Variants in AP2A1 observed in about 807,000 individuals in gnomAD.
AP2A1 encodes AP-2 complex subunit alpha-1.
In AP2A1, 21 loss-of-function variants were observed where a neutral mutation model predicts 107.3. That is an observed-to-expected ratio of 0.20 (90% CI 0.14 to 0.28). The LOEUF (loss-of-function observed/expected upper bound fraction) is 0.28, where lower values mean the gene tolerates loss of function less well. AP2A1 is among the 10% of genes least tolerant of loss of function. The pLI is 1.00. For synonymous variants in AP2A1, 602 were observed against 564.8 expected (o/e 1.07, Z -0.93); for missense variants, 873 against 1,307.7 (o/e 0.67, Z 5.13).
chr19:49,788,565 T>C lies in AP2A1; in HGVS notation c.474-3370T>C, dbSNP rs1161482282. On this transcript the variant is annotated intron_variant, in intron 4 of 22. Coordinates refer to ENST00000354293, the MANE Select transcript of AP2A1 (RefSeq NM_130787.3). This position sits in a 1 kb window ranked among gnomAD's most constrained non-coding sequence, Gnocchi z 4.5. ...TGGCCCAGAGTCAGGGCTCGGGAGA[T>C]GCGCTGTGGCTCAGGAGATGTGCGC... Among the ~76,000 whole-genome samples, 1 of 151,538 alleles carries C rather than the reference T, an allele frequency of 6.6e-6. No homozygotes were observed. The highest frequency in any genetic ancestry group is 1.5e-5 in the Non-Finnish European group (1 of 67,920).
At chr19:49,789,763 G>A (rs981523731) in intron 4 of AP2A1, among the ~76,000 whole-genome samples, 4 of 152,070 alleles carry the variant, frequency 2.6e-5, no homozygotes, top group Admixed American at 2.6e-4. Context: ...CCCCAAAGCC[G>A]ACAAGGCTCC....
At chr19:49,783,514 A>G (rs553495330) in intron 4 of AP2A1, among the ~76,000 whole-genome samples, 1 of 152,278 alleles carries the variant, frequency 6.6e-6, no homozygotes, top group East Asian at 1.9e-4. Context: ...GGTCAGCTAG[A>G]TACCCGACTC....
chr19:49,777,634 C>CAAAA (rs750227185), intron 1 of AP2A1, among the ~76,000 whole-genome samples: 1 of 95,834 alleles, frequency 1.0e-5, no homozygotes, highest in African/African-American at 4.1e-5. Flanking sequence ...GACTCCATCA[C>CAAAA]AAAAAAAAAA....
chr19:49,803,275 C>T lies in AP2A1; in HGVS notation c.2255-12C>T. 7 of 1,613,796 alleles carry T rather than the reference C, an allele frequency of 4.3e-6. No individual in the cohort carries two copies. The highest frequency in any genetic ancestry group is 5.9e-6 in the Non-Finnish European group (7 of 1,179,792). On this transcript the variant is annotated splice_polypyrimidine_tract_variant and intron_variant, in intron 17 of 22. Coordinates refer to ENST00000354293, the MANE Select transcript of AP2A1 (RefSeq NM_130787.3). ...GACTCAGATGGAGCTCTGCCTCCCC[C>T]ACCTACTGCAGGCCGCATGTATCTC...
In AP2A1 at chr19:49,803,357, C is replaced by T; in HGVS notation, c.2325C>T (p.His775=). The T allele has an allele frequency of 6.2e-7, 1 of 1,613,886 alleles. No homozygotes were observed. The highest frequency in any genetic ancestry group is 8.5e-7 in the Non-Finnish European group (1 of 1,179,834). The part of the protein sequence containing the change: ...QFQNFSPTVV[H]PGDLQTQLAV... ...AGAATTTCTCACCCACTGTGGTTCA[C>T]CCGGGAGACCTCCAGACTCATATCC... Residue 775 remains histidine (H), a synonymous_variant, in exon 18 of 23, where the codon CAC becomes CAT. Transcript: ENST00000354293.
At chr19:49,794,408 C>G (rs1441876944) in intron 6 of AP2A1, among the ~76,000 whole-genome samples, 1 of 151,304 alleles carries the variant, frequency 6.6e-6, no homozygotes, top group African/African-American at 2.4e-5. Context: ...TGCTTTGTCG[C>G]CCACACTGGT....
chr19:49,799,858 G>A (rs1017229429), intron 10 of AP2A1, 92 bp downstream of exon 10: 8 of 1,559,246 alleles, frequency 5.1e-6, no homozygotes, highest in Admixed American at 3.8e-5. Context: ...GGAGGGGCTG[G>A]GGCCTGGACT....
At chr19:49,781,229 C>T (rs1055906651) in intron 1 of AP2A1, among the ~76,000 whole-genome samples, 15 of 151,716 alleles carry the variant, frequency 9.9e-5, no homozygotes, top group African/African-American at 2.4e-4. Context: ...ACAGGCCACG[C>T]GGGAGAGGAC....
At chr19:49,786,819 C>T (rs1160687362) in intron 4 of AP2A1, among the ~76,000 whole-genome samples, 1 of 152,120 alleles carries the variant, frequency 6.6e-6, no homozygotes, top group African/African-American at 2.4e-5. Context: ...AGAGGGAGGC[C>T]ACCGTGGCCA....
At chr19:49,770,166 G>T (rs561793796) in intron 1 of AP2A1, among the ~76,000 whole-genome samples, 1 of 152,276 alleles carries the variant, frequency 6.6e-6, no homozygotes, top group Non-Finnish European at 1.5e-5. Flanking sequence ...ACTGCACCCA[G>T]CCTGGGATAC....
At chr19:49,779,487 C>CAAAAA (rs370114853) in intron 1 of AP2A1, among the ~76,000 whole-genome samples, 1,109 of 80,662 alleles carry the variant, frequency 0.014, 8 homozygotes, top group East Asian at 0.019. Context: ...GCCTGGGCTA[C>CAAAAA]AAAAAAAAAA....
At chr19:49,789,071 G>A (rs1030551980) in intron 4 of AP2A1, among the ~76,000 whole-genome samples, 4 of 152,178 alleles carry the variant, frequency 2.6e-5, no homozygotes, top group African/African-American at 7.2e-5. Flanking sequence ...CCTGGATGAC[G>A]GCAGGAGCCA....
intron 1 of AP2A1, among the ~76,000 whole-genome samples, chr19:49,772,431 G>A (rs1043992532): frequency 6.6e-6 from 1 of 150,972 alleles, no homozygotes; most frequent in African/African-American, 2.4e-5. Context: ...GCCTACCTCG[G>A]CCTCCCGAAG....
chr19:49,767,849 T>C (rs1039630169), intron 1 of AP2A1, among the ~76,000 whole-genome samples: 5 of 151,424 alleles, frequency 3.3e-5, no homozygotes, highest in Admixed American at 2.6e-4. Flanking sequence ...GGGTGGGAGA[T>C]TGCCTAGAAG....
intron 1 of AP2A1, among the ~76,000 whole-genome samples, chr19:49,778,362 C>G (rs1363252864): frequency 6.6e-6 from 1 of 152,132 alleles, no homozygotes; most frequent in East Asian, 1.9e-4. Flanking sequence ...GCAGGCAGAT[C>G]ACTTGAGGTC....
At chr19:49,799,193 T>C in intron 8 of AP2A1, 134 bp from the exon 9 acceptor site, 3 of 1,202,578 alleles carry the variant, frequency 2.5e-6, no homozygotes, top group Non-Finnish European at 3.4e-6. Context: ...GGAGGTGCAG[T>C]ACTGCGATGC....
intron 1 of AP2A1, among the ~76,000 whole-genome samples, chr19:49,769,237 G>C (rs1380064372): frequency 2.8e-5 from 4 of 140,816 alleles, no homozygotes; most frequent in Non-Finnish European, 6.1e-5. Flanking sequence ...GGCAACAAGA[G>C]TGAAACTCCG....
chr19:49,806,861 C>T lies in AP2A1; in HGVS notation c.*103C>T. The T allele has an allele frequency of 6.3e-7, 1 of 1,580,526 alleles. No homozygotes were observed. The highest frequency in any genetic ancestry group is 2.3e-5 in the East Asian group (1 of 42,820). ...CCTCCACTGGTGACAGAGAAGACAC[C>T]AGGGTTTGGGGGATGCCTGGGACTT... On this transcript the variant is annotated 3_prime_UTR_variant, in exon 23 of 23. Coordinates refer to ENST00000354293, the MANE Select transcript of AP2A1 (RefSeq NM_130787.3).
At position 49,805,442 on chromosome 19, in the gene AP2A1, C is replaced by T. The variant is rs1449122805; in HGVS notation, c.2345-11C>T. 6.5e-7 allele frequency: 1 copy of T among 1,529,900 alleles called. No individual in the cohort carries two copies. Among genetic ancestry groups the T allele is most frequent in the Non-Finnish European group, 8.8e-7 (1 of 1,132,668 alleles). The allele number at this position is 1,529,900 out of a possible 1,614,324, so 94.8% of individuals were successfully genotyped here. A position where few individuals can be genotyped will look rare whatever the true frequency, so the allele number is the denominator to read the frequency against. ...CTCCTCTGTCTGGCTTCCTTGACTCCTGGCGGGCACAGCTGGCTGTGCAGA... is the reference window on the plus strand; with the variant it reads ...CTCCTCTGTCTGGCTTCCTTGACTCTTGGCGGGCACAGCTGGCTGTGCAGA... On this transcript the variant is annotated splice_polypyrimidine_tract_variant and intron_variant, in intron 18 of 22. Coordinates refer to ENST00000354293, the MANE Select transcript of AP2A1 (RefSeq NM_130787.3).
Sources: allele counts gnomAD v4.1 joint callset (sites outside exome capture counted in the v4.1 genomes callset), GRCh38; gene constraint gnomAD v4.1.1; non-coding constraint Gnocchi (gnomAD v3.1); transcripts MANE v1.5; gene names NCBI Gene and HGNC (gene_info 2026-07-23, HGNC 2026-07-21).